Variants in MGST3 observed in about 807,000 individuals in gnomAD.
MGST3 encodes glutathione S-transferase 3, mitochondrial.
A neutral mutation model predicts 15.8 loss-of-function variants in MGST3; 13 were observed. The observed-to-expected ratio is 0.82, with a 90% CI of 0.54 to 1.31. The LOEUF is 1.31. MGST3 is among the 50% of genes most tolerant of loss of function. MGST3 has a pLI of 0.00. For synonymous variants in MGST3, 49 were observed against 68.1 expected, an observed-to-expected ratio of 0.72 and a Z score of 1.38; for missense variants, 155 against 192.4, an observed-to-expected ratio of 0.81 and a Z score of 1.15.
chr1:165,641,434 A>C (rs189124280), intron 1 of MGST3, among the ~76,000 whole-genome samples: 2 of 152,356 alleles, frequency 1.3e-5, no homozygotes, highest in Admixed American at 1.3e-4. Flanking sequence ...CAATCTAATT[A>C]GACCAGCCTT....
chr1:165,650,765 G>T, intron 2 of MGST3: 2 of 508,690 alleles, frequency 3.9e-6, no homozygotes, highest in Non-Finnish European at 7.2e-6. Flanking sequence ...GCGCAAAGCT[G>T]CCTCTTTCCC....
At chr1:165,633,155 A>C (rs1648000523) in intron 1 of MGST3, among the ~76,000 whole-genome samples, 1 of 152,082 alleles carries the variant, frequency 6.6e-6, no homozygotes. Flanking sequence ...CCTGAACAAA[A>C]AATTTAGCAG....
intron 1 of MGST3, among the ~76,000 whole-genome samples, chr1:165,643,711 T>TA (rs1190849686): frequency 1.3e-5 from 2 of 151,492 alleles, no homozygotes; most frequent in Non-Finnish European, 1.5e-5. Flanking sequence ...TACTAAAAAA[T>TA]AAAAAAATTA....
At chr1:165,638,785 A>C (rs1648183633) in intron 1 of MGST3, among the ~76,000 whole-genome samples, 1 of 121,804 alleles carries the variant, frequency 8.2e-6, no homozygotes, top group African/African-American at 3.1e-5. Context: ...ACAGAGAGAG[A>C]CTCCGTCTTA....
intron 1 of MGST3, among the ~76,000 whole-genome samples, chr1:165,635,324 C>T (rs998793206): frequency 2.6e-5 from 4 of 152,194 alleles, no homozygotes; most frequent in African/African-American, 9.7e-5. Flanking sequence ...ATCTAGTATT[C>T]TTAGATTCCT....
chr1:165,655,383 G>C lies in MGST3; in HGVS notation c.338G>C (p.Ser113Thr). The stretch of plus-strand genomic sequence containing the variant: ...TCTTTTTCAGAACCCAGCAAGCGTA[G>C]TCGAGGAGCCCTGGGGTCCATCGCC... ...GYYTGEPSKR[S>T]RGALGSIALL... Residue 113 changes from serine to threonine, a missense_variant, in exon 6 of 6, where the codon AGT becomes ACT. Ser to Thr is a moderately conservative substitution (Grantham distance 58). Transcript: ENST00000367889. The C allele has an allele frequency of 6.2e-7, 1 of 1,614,018 alleles. No homozygotes were observed. The highest frequency in any genetic ancestry group is 8.5e-7 in the Non-Finnish European group (1 of 1,179,952).
At chr1:165,652,657 T>C (rs145075059) in intron 4 of MGST3, among the ~76,000 whole-genome samples, 1 of 152,250 alleles carries the variant, frequency 6.6e-6, no homozygotes, top group Non-Finnish European at 1.5e-5. Flanking sequence ...GAGCAGGTGC[T>C]GCACGAGTTT....
At chr1:165,637,378 T>C (rs1457644421) in intron 1 of MGST3, among the ~76,000 whole-genome samples, 1 of 152,132 alleles carries the variant, frequency 6.6e-6, no homozygotes, top group East Asian at 1.9e-4. Flanking sequence ...AAATAAAAGG[T>C]AGTGTCACTT....
rs9333453 is a variant in MGST3 at position 165,645,206 on chromosome 1, A to C, written c.-7-4635A>C. ...ATGGCCTTTGTAGGTTTCTAACTGG[A>C]AGTGAAATTTTTTCTATTTTTAAAA... On this transcript the variant is annotated intron_variant, in intron 1 of 5. Coordinates refer to ENST00000367889, the MANE Select transcript of MGST3 (RefSeq NM_004528.4). Among the ~76,000 whole-genome samples, 1,494 of 152,320 alleles carry C rather than the reference A, an allele frequency of 9.8e-3. 52 individuals are homozygous for C. Among genetic ancestry groups the C allele is most frequent in the Admixed American group, 0.059 (904 of 15,304 alleles).
intron 2 of MGST3, 29 bp from the exon 3 acceptor site, chr1:165,650,985 T>C (rs1479781546): frequency 1.9e-6 from 3 of 1,603,768 alleles, no homozygotes; most frequent in Middle Eastern, 1.6e-4. Context: ...CTCTTGACCA[T>C]CTGATCAGTA....
chr1:165,650,277 G>A, intron 2 of MGST3: 2 of 390,172 alleles, frequency 5.1e-6, no homozygotes, highest in East Asian at 1.2e-4. Context: ...TTCCACAGAG[G>A]GTTAAATAGC....
At chr1:165,641,559 C>G (rs1280748490) in intron 1 of MGST3, among the ~76,000 whole-genome samples, 1 of 152,228 alleles carries the variant, frequency 6.6e-6, no homozygotes, top group African/African-American at 2.4e-5. Flanking sequence ...TGTGGACAGA[C>G]ATGTACAGTT....
At chr1:165,632,187 G>C in intron 1 of MGST3, 1 of 1,545,714 alleles carries the variant, frequency 6.5e-7, no homozygotes, top group Non-Finnish European at 8.9e-7. Context: ...TACTAGGATG[G>C]GTAGAAGGAG....
chr1:165,641,449 C>CAA (rs1648263597), intron 1 of MGST3, among the ~76,000 whole-genome samples: 1 of 152,142 alleles, frequency 6.6e-6, no homozygotes, highest in Non-Finnish European at 1.5e-5. Flanking sequence ...AGCCTTTTGC[C>CAA]AAATTTGAAT....
Position 165,655,438 on chromosome 1 carries a change from C to A in MGST3, c.393C>A (p.Cys131Ter), listed in dbSNP as rs1361687014. ...TGGGCTTGGTGGGCACAACTGTGTG[C>A]TCTGCTTTCCAGCATCTTGGTTGGG... ...ALLGLVGTTVCSAFQHLGWVK... is the reference protein window; with the variant it reads ...ALLGLVGTTV Residue 131 changes from cysteine to a stop codon, truncating the protein, a stop_gained, in exon 6 of 6, where the codon TGC becomes TGA. Transcript: ENST00000367889. LOFTEE classifies it high-confidence loss of function. 1.9e-6 allele frequency: 3 copies of A among 1,614,126 alleles called. No individual in the cohort carries two copies. Among genetic ancestry groups the A allele is most frequent in the Admixed American group, 1.7e-5 (1 of 60,016 alleles).
intron 1 of MGST3, among the ~76,000 whole-genome samples, chr1:165,637,532 C>G (rs1571148088): frequency 1.3e-5 from 2 of 152,170 alleles, no homozygotes; most frequent in Admixed American, 1.3e-4. Context: ...TGAAGGAGAC[C>G]TTTACCCCAG....
intron 1 of MGST3, chr1:165,635,581 T>G (rs979815798): frequency 6.6e-6 from 1 of 152,254 alleles, no homozygotes; most frequent in Non-Finnish European, 1.5e-5. Flanking sequence ...AGCCATGTAT[T>G]AAGCAATTGT....
At chr1:165,641,114 C>T (rs1435239125) in intron 1 of MGST3, among the ~76,000 whole-genome samples, 1 of 151,826 alleles carries the variant, frequency 6.6e-6, no homozygotes, top group African/African-American at 2.4e-5. Context: ...ACCCAGGGGG[C>T]GGAGGTTGCA....
rs759927004 is a variant in MGST3 at position 165,649,818 on chromosome 1, CCAA to C, written c.-7-21_-7-19del. The C allele has an allele frequency of 3.7e-6, 6 of 1,613,548 alleles. No homozygotes were observed. In the African/African-American group the frequency reaches 5.3e-5, roughly 14 times the overall value. On this transcript the variant is annotated intron_variant, in intron 1 of 5. Transcript: ENST00000367889. ...AATAGCCACAGTGCTGGGGGCCGTC[CCAA>C]CGTGTTCTTTCTTCCACAGACGCAA... is the stretch of plus-strand genomic sequence containing the variant.
Sources: allele counts gnomAD v4.1 joint callset (sites outside exome capture counted in the v4.1 genomes callset), GRCh38; gene constraint gnomAD v4.1.1; transcripts MANE v1.5; gene names NCBI Gene and HGNC (gene_info 2026-07-23, HGNC 2026-07-21).